SEPTIN9: variants seen among roughly 807,000 people sequenced by gnomAD.
The protein encoded by SEPTIN9 is septin-9.
A neutral mutation model predicts 56.6 loss-of-function variants in SEPTIN9; 13 were observed. The observed-to-expected ratio is 0.23, with a 90% confidence interval of 0.15 to 0.37. The LOEUF is 0.37. SEPTIN9 is among the 10% of genes least tolerant of loss of function. The pLI is 1.00. For missense variants in SEPTIN9, 650 were observed against 823.1 expected (o/e 0.79, Z 2.57); for synonymous variants, 332 against 334.1 (o/e 0.99, Z 0.07).
At chr17:77,467,992 G>C (rs1335051799) in intron 3 of SEPTIN9, among the ~76,000 whole-genome samples, 1 of 152,196 alleles carries the variant, frequency 6.6e-6, no homozygotes, top group Non-Finnish European at 1.5e-5. Context: ...TAGGCTGGGC[G>C]TGGTGTCTCA....
chr17:77,478,116 T>G (rs1411782742), intron 3 of SEPTIN9, among the ~76,000 whole-genome samples: 1 of 151,962 alleles, frequency 6.6e-6, no homozygotes, highest in Non-Finnish European at 1.5e-5. Flanking sequence ...CCACTTACAG[T>G]GGCATTTCAG....
At chr17:77,486,911 C>G (rs2039816640) in intron 4 of SEPTIN9, among the ~76,000 whole-genome samples, 7 of 152,228 alleles carry the variant, frequency 4.6e-5, no homozygotes, top group Admixed American at 3.3e-4. Context: ...TTTTGCAGAT[C>G]AGGAAACTGA....
At chr17:77,482,006 C>T (rs530223961) in intron 3 of SEPTIN9, 138 bp from the exon 4 acceptor site, 36 of 778,650 alleles carry the variant, frequency 4.6e-5, no homozygotes, top group South Asian at 3.2e-4. Context: ...TCTCAGGGGT[C>T]GCCTGGGCAA....
chr17:77,398,873 G>A (rs1319920690), intron 2 of SEPTIN9, among the ~76,000 whole-genome samples: 3 of 152,168 alleles, frequency 2.0e-5, no homozygotes. Context: ...GAGTGGTGCT[G>A]GACCGAAACA....
At position 77,364,828 on chromosome 17, in the gene SEPTIN9, G is replaced by A. The variant is rs1489333031; in HGVS notation, c.77-37231G>A. Among the ~76,000 whole-genome samples, 5 of 152,250 alleles carry A rather than the reference G, an allele frequency of 3.3e-5. No individual in the cohort carries two copies. The South Asian group carries it at 6.2e-4, about 19-fold the overall frequency. ...CTGAGGTGGGGAGCAGAGCCCAGCTGTGCCTGGAGGCTCCCCACTTCCACT... is the reference window on the plus strand; with the variant it reads ...CTGAGGTGGGGAGCAGAGCCCAGCTATGCCTGGAGGCTCCCCACTTCCACT... On this transcript the variant is annotated intron_variant, in intron 2 of 11. Transcript: ENST00000427177.
intron 2 of SEPTIN9, among the ~76,000 whole-genome samples, chr17:77,379,898 CT>C (rs2035077040): frequency 6.6e-6 from 1 of 152,156 alleles, no homozygotes; most frequent in Non-Finnish European, 1.5e-5. Context: ...TGGTCAAACA[CT>C]GCCTTTCTTT....
At chr17:77,309,717 C>T (rs1236659234) in intron 2 of SEPTIN9, among the ~76,000 whole-genome samples, 3 of 151,674 alleles carry the variant, frequency 2.0e-5, no homozygotes, top group African/African-American at 7.3e-5. Context: ...ACGCTTTGGT[C>T]AGCTCACACA....
rs376277569 is a variant in SEPTIN9, at chr17:77,453,050, C to T, written c.722-29094C>T. Among the ~76,000 whole-genome samples the T allele has an allele frequency of 1.3e-5, 2 of 151,676 alleles. No individual in the cohort carries two copies. The highest frequency in any genetic ancestry group is 1.9e-4 in the East Asian group (1 of 5,172). On this transcript the variant is annotated intron_variant, in intron 3 of 11. Coordinates refer to ENST00000427177, the MANE Select transcript of SEPTIN9 (RefSeq NM_001113491.2). The surrounding 1 kb of genome is among the most constrained non-coding windows in gnomAD (Gnocchi z 4.4). ...TTCTGTCCCCTGGCCATTTCTGTGTCGGGGTGGCTGAGACACTATTGCATT... is the reference window on the plus strand; with the variant it reads ...TTCTGTCCCCTGGCCATTTCTGTGTTGGGGTGGCTGAGACACTATTGCATT...
At chr17:77,388,553 C>T (rs927837311) in intron 2 of SEPTIN9, among the ~76,000 whole-genome samples, 1 of 152,188 alleles carries the variant, frequency 6.6e-6, no homozygotes, top group Admixed American at 6.5e-5. Flanking sequence ...GCTTGGCGCG[C>T]TTTGGATCAT....
intron 2 of SEPTIN9, chr17:77,373,437 GC>G: frequency 1.4e-6 from 2 of 1,469,208 alleles, no homozygotes; most frequent in South Asian, 1.3e-5. Flanking sequence ...CAGGGCCCGG[GC>G]CCCGCCGGGG....
chr17:77,376,195 G>C, intron 2 of SEPTIN9: 1 of 986,708 alleles, frequency 1.0e-6, no homozygotes, highest in Non-Finnish European at 1.2e-6. Flanking sequence ...GAATGAGCTG[G>C]CTGGAGAGGG....
At chr17:77,283,178 TAA>T (rs1417341063) in intron 1 of SEPTIN9, among the ~76,000 whole-genome samples, 2 of 146,970 alleles carry the variant, frequency 1.4e-5, no homozygotes, top group South Asian at 2.1e-4. Flanking sequence ...TTTTTTTTTT[TAA>T]AAAAAAGGAC....
chr17:77,315,656 TC>T (rs959927647), intron 2 of SEPTIN9, among the ~76,000 whole-genome samples: 3 of 152,210 alleles, frequency 2.0e-5, no homozygotes, highest in African/African-American at 7.2e-5. Context: ...GTGTGACACT[TC>T]CTTCCTGTCT....
intron 2 of SEPTIN9, chr17:77,373,533 G>T: frequency 6.5e-7 from 1 of 1,546,110 alleles, no homozygotes. Flanking sequence ...AGCTGGATGG[G>T]ATCATTTCGG....
chr17:77,389,849 G>C lies in SEPTIN9; in HGVS notation c.77-12210G>C, dbSNP rs2035470611. On this transcript the variant is annotated intron_variant, in intron 2 of 11. Coordinates refer to ENST00000427177, the MANE Select transcript of SEPTIN9 (RefSeq NM_001113491.2). This position sits in a 1 kb window ranked among gnomAD's most constrained non-coding sequence, Gnocchi z 4.3. ...GCAGCCAGCAGCTGGTTTAGAACCC[G>C]GGGGTGGGGGGAGCGCTAGACCAGT... is the stretch of plus-strand genomic sequence containing the variant. Among the ~76,000 whole-genome samples the C allele has an allele frequency of 6.6e-6, 1 of 152,308 alleles. No homozygotes were observed. Among genetic ancestry groups the C allele is most frequent in the Non-Finnish European group, 1.5e-5 (1 of 68,018 alleles).
At chr17:77,426,345 G>GC (rs2036910914) in intron 3 of SEPTIN9, among the ~76,000 whole-genome samples, 1 of 152,066 alleles carries the variant, frequency 6.6e-6, no homozygotes, top group South Asian at 2.1e-4. Flanking sequence ...GCCCCCCCGA[G>GC]CCCCCGGAGG....
chr17:77,303,998 C>G (rs1310841239), intron 1 of SEPTIN9, among the ~76,000 whole-genome samples: 2 of 152,222 alleles, frequency 1.3e-5, no homozygotes, highest in African/African-American at 4.8e-5. Context: ...ATTGTCTTCT[C>G]TCCTTCTGAG....
In SEPTIN9 at chr17:77,317,755, A is replaced by T. The variant is rs1240993236; in HGVS notation, c.76+10558A>T. On this transcript the variant is annotated intron_variant, in intron 2 of 11. Transcript: ENST00000427177. The surrounding 1 kb of genome is among the most constrained non-coding windows in gnomAD (Gnocchi z 4.2). The stretch of plus-strand genomic sequence containing the variant: ...AATCCCAGAGTGAAACTCTGTCTCA[A>T]AAAATAAAAAATAAAGGCCAGGCAC... Among the ~76,000 whole-genome samples the T allele has an allele frequency of 2.0e-5, 3 of 152,154 alleles. No individual in the cohort carries two copies. Among genetic ancestry groups the T allele is most frequent in the Non-Finnish European group, 4.4e-5 (3 of 68,014 alleles).
At chr17:77,364,704 C>A (rs942287815) in intron 2 of SEPTIN9, among the ~76,000 whole-genome samples, 1 of 152,220 alleles carries the variant, frequency 6.6e-6, no homozygotes, top group Non-Finnish European at 1.5e-5. Context: ...CAGAGACGGG[C>A]AGGGGTCCCC....
Sources: gnomAD v4.1 joint callset for allele counts (sites outside exome capture counted in the v4.1 genomes callset) on GRCh38, gnomAD v4.1.1 for gene constraint, Gnocchi (gnomAD v3.1) non-coding constraint, MANE v1.5 for transcripts, NCBI Gene and HGNC (gene_info 2026-07-23, HGNC 2026-07-21) for gene names.